FNDC3A: variants seen among roughly 807,000 people sequenced by gnomAD.
The protein encoded by FNDC3A is fibronectin type III domain containing 3A.
In FNDC3A, 32 loss-of-function variants were observed where a neutral mutation model predicts 148.9. The observed-to-expected ratio is 0.21, with a 90% confidence interval of 0.16 to 0.29. The LOEUF is 0.29. Among genes scored for constraint, FNDC3A ranks in the 10% least tolerant of loss-of-function variants. The probability of loss-of-function intolerance (pLI) is 1.00; values close to 1 mark genes in which losing one functional copy is unlikely to be tolerated. For synonymous variants in FNDC3A, 472 were observed against 473.6 expected, an observed-to-expected ratio of 1.00 and a Z score of 0.04; for missense variants, 1,191 against 1,452.8, an observed-to-expected ratio of 0.82 and a Z score of 2.93.
At chr13:49,055,583 G>A (rs1268337146) in intron 2 of FNDC3A, among the ~76,000 whole-genome samples, 1 of 152,036 alleles carries the variant, frequency 6.6e-6, no homozygotes, top group African/African-American at 2.4e-5. Flanking sequence ...ATAAAATTTG[G>A]TCTCCACAAC....
chr13:49,138,093 C>A (rs969866186), intron 6 of FNDC3A, among the ~76,000 whole-genome samples: 1 of 152,146 alleles, frequency 6.6e-6, no homozygotes, highest in African/African-American at 2.4e-5. Context: ...AGGGAAATAT[C>A]AAAATGTAAG....
In FNDC3A at chr13:49,145,930, A is replaced by G. The variant is rs1043475881; in HGVS notation, c.972A>G (p.Val324=). The G allele has an allele frequency of 2.5e-6, 4 of 1,609,296 alleles. No homozygotes were observed. Among genetic ancestry groups the G allele is most frequent in the Admixed American group, 1.7e-5 (1 of 59,156 alleles). The part of the protein sequence containing the change: ...STGKDGKYKS[V]YVGEETNITL... The stretch of plus-strand genomic sequence containing the variant: ...GAAAAGATGGGAAATACAAAAGTGT[A>G]TATGTGTAGGTATTTGTTGTTTTGC... Residue 324 remains valine (V), a synonymous_variant, in exon 8 of 26, where the codon GTA becomes GTG. Coordinates refer to ENST00000492622, the MANE Select transcript of FNDC3A (RefSeq NM_001079673.2).
intron 2 of FNDC3A, among the ~76,000 whole-genome samples, chr13:49,015,794 T>C (rs1952485207): frequency 6.6e-6 from 1 of 151,900 alleles, no homozygotes; most frequent in Non-Finnish European, 1.5e-5. Flanking sequence ...CCTAATTTAT[T>C]GAGAGTTTTT....
At chr13:48,980,870 G>T (rs1228359158) in intron 1 of FNDC3A, among the ~76,000 whole-genome samples, 1 of 152,154 alleles carries the variant, frequency 6.6e-6, no homozygotes, top group African/African-American at 2.4e-5. Flanking sequence ...ATATATCAGG[G>T]TTAGTATTAG....
At chr13:49,030,270 A>G (rs1269256739) in intron 2 of FNDC3A, among the ~76,000 whole-genome samples, 1 of 152,232 alleles carries the variant, frequency 6.6e-6, no homozygotes, top group African/African-American at 2.4e-5. Flanking sequence ...GTAATATACC[A>G]CATGGTCATC....
At chr13:49,166,209 G>A (rs915581774) in intron 8 of FNDC3A, among the ~76,000 whole-genome samples, 15 of 152,200 alleles carry the variant, frequency 9.9e-5, no homozygotes, top group Non-Finnish European at 1.8e-4. Context: ...CTTCACTTGC[G>A]CTTTGGCCCC....
intron 13 of FNDC3A, 81 bp from the exon 14 acceptor site, chr13:49,178,487 C>T: frequency 1.2e-6 from 1 of 840,356 alleles, no homozygotes; most frequent in Non-Finnish European, 2.0e-6. Flanking sequence ...GAAGAGAAAC[C>T]CGGGTCTTTT....
Position 49,199,623 on chromosome 13 carries a change from GC to G in FNDC3A, c.2987+1052del, listed in dbSNP as rs1332301117. On this transcript the variant is annotated intron_variant, in intron 23 of 25. Transcript: ENST00000492622. ...TTACAGGCGTGAGCCACTGCACCCG[GC>G]CCTGAAACAATTTTATAGTAAATGA... 7.9e-5 allele frequency among the ~76,000 whole-genome samples: 12 copies of G among 152,234 alleles called. No homozygotes were observed. The East Asian group carries it at 1.5e-3, about 20-fold the overall frequency.
chr13:49,080,772 G>A (rs993085314), intron 3 of FNDC3A, among the ~76,000 whole-genome samples: 1 of 152,180 alleles, frequency 6.6e-6, no homozygotes, highest in South Asian at 2.1e-4. Flanking sequence ...TTACTGGGAA[G>A]GTCATAGAAG....
At chr13:49,013,296 C>T (rs925529143) in intron 2 of FNDC3A, among the ~76,000 whole-genome samples, 12 of 152,072 alleles carry the variant, frequency 7.9e-5, no homozygotes, top group Non-Finnish European at 1.5e-5. Context: ...GTCTGGGCAA[C>T]AGAGTGAGAC....
At chr13:49,163,394 C>G (rs112192742) in intron 8 of FNDC3A, among the ~76,000 whole-genome samples, 98 of 152,324 alleles carry the variant, frequency 6.4e-4, no homozygotes, top group African/African-American at 2.0e-3. Flanking sequence ...TCAGACTACT[C>G]TGCTAGCAGT....
At chr13:49,025,076 A>G (rs768220511) in intron 2 of FNDC3A, among the ~76,000 whole-genome samples, 21 of 152,046 alleles carry the variant, frequency 1.4e-4, no homozygotes, top group Non-Finnish European at 3.1e-4. Flanking sequence ...GACAAACCGT[A>G]AATCATTAGA....
At chr13:49,175,187 A>C (rs541335188) in intron 12 of FNDC3A, among the ~76,000 whole-genome samples, 180 bp from the exon 13 acceptor site, 20 of 152,298 alleles carry the variant, frequency 1.3e-4, no homozygotes, top group African/African-American at 4.3e-4. Flanking sequence ...ATAGAACACT[A>C]ATTCACTGTT....
At chr13:48,986,413 T>TTTTTTTTTGG (rs1951801650) in intron 1 of FNDC3A, among the ~76,000 whole-genome samples, 1 of 137,062 alleles carries the variant, frequency 7.3e-6, no homozygotes, top group Admixed American at 7.3e-5. Context: ...TTTTTTTTTT[T>TTTTTTTTTGG]GAGGCGGAGT....
rs553734631 is a variant in FNDC3A at position 49,070,012 on chromosome 13, A to G, written c.100-5277A>G. Among the ~76,000 whole-genome samples the G allele has an allele frequency of 4.9e-4, 74 of 152,348 alleles. 1 individual carries two copies. Among genetic ancestry groups the G allele is most frequent in the East Asian group, 3.9e-4 (2 of 5,190 alleles). ...TACATCAAGGAAATAAATATAAGCAATTAAGTTATATAAAAACTAGGAAAA... is the reference window on the plus strand; with the variant it reads ...TACATCAAGGAAATAAATATAAGCAGTTAAGTTATATAAAAACTAGGAAAA... On this transcript the variant is annotated intron_variant, in intron 2 of 25. Transcript: ENST00000492622.
In FNDC3A at chr13:49,146,157, T is replaced by G. The variant is rs569044597; in HGVS notation, c.977+222T>G. 531 of 411,702 alleles carry G rather than the reference T, an allele frequency of 1.3e-3. 1 individual carries two copies. The highest frequency in any genetic ancestry group is 7.3e-3 in the Middle Eastern group (11 of 1,500). 25.5% of individuals were successfully genotyped at this position (411,702 alleles called of 1,614,324 possible). A position where few individuals can be genotyped will look rare whatever the true frequency, so the allele number is the denominator to read the frequency against. On this transcript the variant is annotated intron_variant, in intron 8 of 25. Transcript: ENST00000492622. ...ATCACTTTTATTGGCCACATTCAGC[T>G]TTTTTTTTCCCAGTAGGCTCCCTAA...
chr13:49,102,002 T>C (rs1463508195), intron 3 of FNDC3A, among the ~76,000 whole-genome samples: 8 of 151,980 alleles, frequency 5.3e-5, no homozygotes, highest in Admixed American at 5.3e-4. Context: ...CTAGCCTTCC[T>C]CCTTTTTAAA....
In FNDC3A at chr13:49,028,214, TA is replaced by T. The variant is rs534780707; in HGVS notation, c.99+21938del. On this transcript the variant is annotated intron_variant, in intron 2 of 25. Coordinates refer to ENST00000492622, the MANE Select transcript of FNDC3A (RefSeq NM_001079673.2). ...TGGGCAACAGAGTGAGACTCTGTCT[TA>T]AAAAAAAAAAAATTCATGATTTAAC... Among the ~76,000 whole-genome samples the T allele has an allele frequency of 2.7e-3, 389 of 145,240 alleles. 4 individuals carry two copies. In the East Asian group the frequency reaches 0.051, roughly 19 times the overall value.
intron 3 of FNDC3A, among the ~76,000 whole-genome samples, chr13:49,098,173 A>C (rs1470953897): frequency 6.6e-6 from 1 of 152,134 alleles, no homozygotes; most frequent in Non-Finnish European, 1.5e-5. Flanking sequence ...AAAAAAGTTT[A>C]GATATTATGT....
Sources: gnomAD v4.1 joint callset for allele counts (sites outside exome capture counted in the v4.1 genomes callset) on GRCh38, gnomAD v4.1.1 for gene constraint, MANE v1.5 for transcripts, NCBI Gene and HGNC (gene_info 2026-07-23, HGNC 2026-07-21) for gene names.